The following ATG4C variants were observed in gnomAD, a reference collection of about 807,000 sequenced individuals.
ATG4C encodes autophagy related 4C cysteine peptidase, also known as cysteine protease ATG4C.
A neutral mutation model predicts 57.6 loss-of-function variants in ATG4C; 56 were observed. The observed-to-expected ratio is 0.97, with a 90% CI of 0.78 to 1.21. The LOEUF (loss-of-function observed/expected upper bound fraction) is 1.21, where lower values mean the gene tolerates loss of function less well. ATG4C is among the 50% of genes most tolerant of loss of function. The pLI, the probability that ATG4C is intolerant of heterozygous loss-of-function variation, is 0.00. For synonymous variants in ATG4C, 157 were observed against 174.1 expected, an observed-to-expected ratio of 0.90 and a Z score of 0.78; for missense variants, 595 against 529.8, an observed-to-expected ratio of 1.12 and a Z score of -1.21.
chr1:62,788,759 T>G (rs1664169558), intron 1 of ATG4C, among the ~76,000 whole-genome samples: 1 of 152,212 alleles, frequency 6.6e-6, no homozygotes, highest in African/African-American at 2.4e-5. Flanking sequence ...AGAACAGTCT[T>G]TATCATTTCT....
intron 10 of ATG4C, among the ~76,000 whole-genome samples, chr1:62,856,493 A>G (rs759062397): frequency 1.8e-4 from 28 of 152,228 alleles, no homozygotes; most frequent in Non-Finnish European, 4.0e-4. Flanking sequence ...AGCTGATTTA[A>G]TCTGCACAAC....
chr1:62,835,480 G>A (rs1368230703), intron 9 of ATG4C: 2 of 253,630 alleles, frequency 7.9e-6, no homozygotes, highest in South Asian at 4.2e-5. Context: ...TTTCCCAGTT[G>A]GTGCTTTTAC....
intron 10 of ATG4C, among the ~76,000 whole-genome samples, chr1:62,850,893 TATATATATAC>T (rs1419451986): frequency 2.4e-4 from 18 of 73,590 alleles, no homozygotes; most frequent in African/African-American, 7.3e-4. Context: ...TATATATATA[TATATATATAC>T]ATACACATAC....
At chr1:62,845,568 A>G (rs1472727472) in intron 10 of ATG4C, among the ~76,000 whole-genome samples, 1 of 152,180 alleles carries the variant, frequency 6.6e-6, no homozygotes. Flanking sequence ...TAGTCAAATT[A>G]ATAATACTTT....
chr1:62,830,408 A>T (rs1439068295), intron 7 of ATG4C, among the ~76,000 whole-genome samples: 1 of 152,146 alleles, frequency 6.6e-6, no homozygotes, highest in Non-Finnish European at 1.5e-5. Context: ...CTCTACTACC[A>T]TGAGAAGATT....
intron 1 of ATG4C, among the ~76,000 whole-genome samples, chr1:62,800,489 A>G (rs1664622549): frequency 1.3e-5 from 2 of 152,318 alleles, no homozygotes; most frequent in Middle Eastern, 3.4e-3. Flanking sequence ...CAGATTCTGC[A>G]TAGTGTTTCC....
rs116316464 is a variant in ATG4C at position 62,807,105 on chromosome 1, A to G, written c.160+1850A>G. On this transcript the variant is annotated intron_variant, in intron 3 of 10. Coordinates refer to ENST00000317868, the MANE Select transcript of ATG4C (RefSeq NM_032852.4). ...AAACATGCTGGCTAGGACATTGATC[A>G]TGCCCAGAAGGAGCACATCAAAATA... Among the ~76,000 whole-genome samples the G allele has an allele frequency of 6.4e-3, 976 of 152,346 alleles. 14 individuals are homozygous for G. Among genetic ancestry groups the G allele is most frequent in the African/African-American group, 0.022 (934 of 41,574 alleles).
intron 5 of ATG4C, among the ~76,000 whole-genome samples, chr1:62,819,992 A>AT (rs1195320841): frequency 6.6e-6 from 1 of 152,078 alleles, no homozygotes; most frequent in Non-Finnish European, 1.5e-5. Flanking sequence ...AATATTTCAT[A>AT]TAAGTATAGC....
chr1:62,829,155 C>T lies in ATG4C; in HGVS notation c.912C>T (p.Thr304=), dbSNP rs370220377. ...PVRLGGERTN[T]DYLEFVKGIL... ...GACTTGGTGGAGAAAGAACCAACAC[C>T]GACTACTTAGAATTTGTGAAGGTAT... is the stretch of plus-strand genomic sequence containing the variant. Residue 304 remains threonine (T), a synonymous_variant, in exon 7 of 11, where the codon ACC becomes ACT. Coordinates refer to ENST00000317868, the MANE Select transcript of ATG4C (RefSeq NM_032852.4). 1.4e-4 allele frequency: 222 copies of T among 1,612,618 alleles called. 3 individuals carry two copies. Among genetic ancestry groups the T allele is most frequent in the East Asian group, 1.0e-3 (47 of 44,766 alleles).
At chr1:62,827,483 A>C (rs934126630) in intron 6 of ATG4C, among the ~76,000 whole-genome samples, 1 of 151,354 alleles carries the variant, frequency 6.6e-6, no homozygotes, top group African/African-American at 2.4e-5. Context: ...TTTCCTGTTC[A>C]CTCTTCTCTC....
intron 1 of ATG4C, among the ~76,000 whole-genome samples, chr1:62,796,377 C>T (rs1664468744): frequency 6.6e-6 from 1 of 151,784 alleles, no homozygotes; most frequent in Non-Finnish European, 1.5e-5. Context: ...TAAGGAGAAA[C>T]AAAAATTATG....
intron 4 of ATG4C, 22 bp from the exon 5 acceptor site, chr1:62,818,983 C>T (rs1378808865): frequency 1.3e-6 from 2 of 1,487,486 alleles, no homozygotes; most frequent in African/African-American, 2.8e-5. Flanking sequence ...GATCTGAACA[C>T]TTTGCTTTGG....
intron 4 of ATG4C, among the ~76,000 whole-genome samples, chr1:62,817,689 TA>T (rs1665327104): frequency 6.6e-6 from 1 of 152,174 alleles, no homozygotes; most frequent in Non-Finnish European, 1.5e-5. Flanking sequence ...TTTTAGACCC[TA>T]AAAAATGTCA....
At chr1:62,829,888 T>G (rs529000431) in intron 7 of ATG4C, among the ~76,000 whole-genome samples, 33 of 152,278 alleles carry the variant, frequency 2.2e-4, no homozygotes, top group African/African-American at 7.9e-4. Context: ...AGTAGTCTCT[T>G]TTTGCAGCAA....
chr1:62,788,641 C>G (rs1664166164), intron 1 of ATG4C, among the ~76,000 whole-genome samples: 1 of 152,114 alleles, frequency 6.6e-6, no homozygotes, highest in South Asian at 2.1e-4. Context: ...CCATATTCAA[C>G]AATTAGATTT....
chr1:62,799,417 A>G (rs1221728559), intron 1 of ATG4C, among the ~76,000 whole-genome samples: 1 of 152,194 alleles, frequency 6.6e-6, no homozygotes, highest in Non-Finnish European at 1.5e-5. Context: ...ATTTTCATAG[A>G]ATAGTTAAGG....
intron 1 of ATG4C, among the ~76,000 whole-genome samples, chr1:62,796,883 G>T (rs1476955865): frequency 6.6e-6 from 1 of 152,172 alleles, no homozygotes; most frequent in African/African-American, 2.4e-5. Context: ...CAACGTGGGC[G>T]AATCACCTGA....
intron 6 of ATG4C, among the ~76,000 whole-genome samples, chr1:62,824,059 A>G (rs1360105250): frequency 6.6e-6 from 1 of 152,176 alleles, no homozygotes; most frequent in African/African-American, 2.4e-5. Context: ...GAAGTAAGGT[A>G]TCAGAATCAT....
At chr1:62,792,095 T>A (rs1315968510) in intron 1 of ATG4C, among the ~76,000 whole-genome samples, 1 of 152,092 alleles carries the variant, frequency 6.6e-6, no homozygotes, top group Non-Finnish European at 1.5e-5. Context: ...CCTCCGGGGT[T>A]CAAGCAGTTC....
Sources: allele counts gnomAD v4.1 joint callset (sites outside exome capture counted in the v4.1 genomes callset), GRCh38; gene constraint gnomAD v4.1.1; transcripts MANE v1.5; gene names NCBI Gene and HGNC (gene_info 2026-07-23, HGNC 2026-07-21).